Variants in ADCY2 observed in about 807,000 individuals in gnomAD.
The protein encoded by ADCY2 is adenylate cyclase type 2.
In ADCY2, 31 loss-of-function variants were observed where a neutral mutation model predicts 125.2. The observed-to-expected ratio is 0.25, with a 90% CI of 0.19 to 0.33. ADCY2 has a LOEUF of 0.33. ADCY2 is among the 10% of genes least tolerant of loss of function. ADCY2 has a pLI of 1.00. For missense variants in ADCY2, 904 were observed against 1,418.2 expected, an observed-to-expected ratio of 0.64 and a Z score of 5.82; for synonymous variants, 512 against 548.4, an observed-to-expected ratio of 0.93 and a Z score of 0.93.
intron 3 of ADCY2, among the ~76,000 whole-genome samples, chr5:7,582,796 C>T (rs1424608707): frequency 1.3e-5 from 2 of 152,026 alleles, no homozygotes; most frequent in Non-Finnish European, 2.9e-5. Flanking sequence ...AAATATTAAA[C>T]ACTTTTCCTC....
intron 2 of ADCY2, among the ~76,000 whole-genome samples, chr5:7,456,299 G>T (rs1741667255): frequency 6.6e-6 from 1 of 152,286 alleles, no homozygotes; most frequent in African/African-American, 2.4e-5. Flanking sequence ...AGAATTGTAT[G>T]TCTTTAGGGA....
chr5:7,406,025 A>AT (rs111642610), intron 1 of ADCY2, among the ~76,000 whole-genome samples: 2,539 of 145,958 alleles, frequency 0.017, 64 homozygotes, highest in African/African-American at 0.058. Context: ...TGCCCTACTA[A>AT]TTTTTTTTTT....
At chr5:7,704,209 G>A (rs1409099141) in intron 7 of ADCY2, among the ~76,000 whole-genome samples, 2 of 152,048 alleles carry the variant, frequency 1.3e-5, no homozygotes, top group African/African-American at 4.8e-5. Context: ...AGGGGAACGT[G>A]CACACCTGGC....
At chr5:7,771,285 T>G (rs1235627228) in intron 17 of ADCY2, among the ~76,000 whole-genome samples, 1 of 152,224 alleles carries the variant, frequency 6.6e-6, no homozygotes, top group African/African-American at 2.4e-5. Context: ...ACATCATCTC[T>G]TCTTTTCCTT....
intron 22 of ADCY2, among the ~76,000 whole-genome samples, chr5:7,813,791 A>T (rs1414570414): frequency 6.6e-6 from 1 of 152,228 alleles, no homozygotes; most frequent in African/African-American, 2.4e-5. Flanking sequence ...GTGAAAACAG[A>T]TTGGGCAATA....
intron 15 of ADCY2, among the ~76,000 whole-genome samples, chr5:7,748,539 C>CAG (rs139097566): frequency 0.33 from 49,288 of 148,644 alleles, 9,659 homozygotes; most frequent in Non-Finnish European, 0.45. Flanking sequence ...CACACACACA[C>CAG]ACACACACAC....
At chr5:7,503,611 T>G (rs764366092) in intron 2 of ADCY2, among the ~76,000 whole-genome samples, 3 of 152,224 alleles carry the variant, frequency 2.0e-5, no homozygotes, top group Non-Finnish European at 4.4e-5. Context: ...GCTTCACCTC[T>G]GGATTCTGTT....
intron 3 of ADCY2, among the ~76,000 whole-genome samples, chr5:7,613,401 T>TAA (rs765217938): frequency 1.3e-5 from 2 of 152,100 alleles, no homozygotes; most frequent in Non-Finnish European, 2.9e-5. Context: ...CTGGTGGCAC[T>TAA]AACCATCCCG....
At chr5:7,704,760 C>A (rs1741208595) in intron 7 of ADCY2, among the ~76,000 whole-genome samples, 1 of 152,000 alleles carries the variant, frequency 6.6e-6, no homozygotes, top group Admixed American at 6.6e-5. Flanking sequence ...CGCCTGTAAT[C>A]CCAGCTACTG....
At chr5:7,651,281 G>A (rs1051766836) in intron 4 of ADCY2, among the ~76,000 whole-genome samples, 6 of 152,100 alleles carry the variant, frequency 3.9e-5, no homozygotes, top group Non-Finnish European at 8.8e-5. Context: ...AGAACTAATA[G>A]GATAGATGTA....
At chr5:7,638,302 A>G (rs1738576531) in intron 4 of ADCY2, among the ~76,000 whole-genome samples, 1 of 152,196 alleles carries the variant, frequency 6.6e-6, no homozygotes, top group Non-Finnish European at 1.5e-5. Context: ...AAACAGGAAT[A>G]TTTTATCATT....
intron 3 of ADCY2, among the ~76,000 whole-genome samples, chr5:7,572,518 T>A (rs1736098464): frequency 6.6e-6 from 1 of 152,188 alleles, no homozygotes; most frequent in Admixed American, 6.6e-5. Context: ...TAAATTTGTT[T>A]AAGTTCCTTA....
rs181029212 is a variant in ADCY2 at position 7,435,173 on chromosome 5, A to G, written c.408+20403A>G. ...CTATGTTGTGCCACGGTCTTGGGCT[A>G]TGTTACGTGAAGATTCTGTGAGATC... On this transcript the variant is annotated intron_variant, in intron 2 of 24. Transcript: ENST00000338316. 9.0e-4 allele frequency among the ~76,000 whole-genome samples: 137 copies of G among 152,318 alleles called. 1 individual carries two copies. The highest frequency in any genetic ancestry group is 7.7e-3 in the South Asian group (37 of 4,826).
intron 10 of ADCY2, among the ~76,000 whole-genome samples, chr5:7,710,918 A>G (rs533048797): frequency 1.3e-5 from 2 of 152,352 alleles, no homozygotes; most frequent in East Asian, 3.9e-4. Flanking sequence ...ATGCATGAAC[A>G]TTAGGAACAG....
At chr5:7,495,117 G>A (rs909260898) in intron 2 of ADCY2, among the ~76,000 whole-genome samples, 6 of 152,186 alleles carry the variant, frequency 3.9e-5, no homozygotes, top group African/African-American at 1.2e-4. Context: ...ATATCCTGGT[G>A]ACTATCTTTA....
intron 3 of ADCY2, among the ~76,000 whole-genome samples, chr5:7,555,448 C>T (rs1392482): frequency 0.32 from 49,287 of 152,066 alleles, 8,861 homozygotes; most frequent in Non-Finnish European, 0.41. Context: ...AGCTTTTACA[C>T]TGGTGAAAGT....
In ADCY2 at chr5:7,526,490, G is replaced by A. The variant is rs1734466456; in HGVS notation, c.570+5591G>A. ...GAATTGTAATGTTCCCAACACAAAG[G>A]AAGGATTAAGGTTGGAGGTGAGGGC... On this transcript the variant is annotated intron_variant, in intron 3 of 24. Transcript: ENST00000338316. 2.6e-5 allele frequency among the ~76,000 whole-genome samples: 4 copies of A among 152,080 alleles called. No individual in the cohort carries two copies. In the South Asian group the frequency reaches 8.3e-4, roughly 32 times the overall value.
At chr5:7,400,345 A>G (rs1388944137) in intron 1 of ADCY2, among the ~76,000 whole-genome samples, 1 of 152,182 alleles carries the variant, frequency 6.6e-6, no homozygotes, top group East Asian at 1.9e-4. Context: ...TTTTATGGTG[A>G]TGTAATGAGC....
At chr5:7,617,481 G>T (rs79437913) in intron 3 of ADCY2, among the ~76,000 whole-genome samples, 4,687 of 152,152 alleles carry the variant, frequency 0.031, 87 homozygotes, top group Non-Finnish European at 0.038. Flanking sequence ...ATTATTAGTA[G>T]TAGTAGTAGT....
Sources: gnomAD v4.1 joint callset for allele counts (sites outside exome capture counted in the v4.1 genomes callset) on GRCh38, gnomAD v4.1.1 for gene constraint, MANE v1.5 for transcripts, NCBI Gene and HGNC (gene_info 2026-07-23, HGNC 2026-07-21) for gene names.